The following PXT1 variants were observed in gnomAD, a reference collection of about 807,000 sequenced individuals.
The protein encoded by PXT1 is peroxisomal testis enriched protein 1, also known as peroxisomal testis-specific protein 1.
In PXT1, 11 loss-of-function variants were observed where a neutral mutation model predicts 11.0. That is an observed-to-expected ratio of 1.00 (90% CI 0.63 to 1.66). The LOEUF (loss-of-function observed/expected upper bound fraction) is 1.66. Ranked by LOEUF, PXT1 falls within the 40% of genes most tolerant of loss-of-function variation. PXT1 has a pLI of 0.00. For missense variants in PXT1, 141 were observed against 155.5 expected, an observed-to-expected ratio of 0.91 and a Z score of 0.49; for synonymous variants, 43 against 51.4, an observed-to-expected ratio of 0.84 and a Z score of 0.70.
At chr6:36,393,837 A>G (rs1444650634) in intron 4 of PXT1, among the ~76,000 whole-genome samples, 1 of 152,184 alleles carries the variant, frequency 6.6e-6, no homozygotes, top group Non-Finnish European at 1.5e-5. Flanking sequence ...TCTCCAAAGC[A>G]TGTATCTCTA....
chr6:36,417,155 G>C (rs1464035390), intron 3 of PXT1, among the ~76,000 whole-genome samples: 1 of 152,110 alleles, frequency 6.6e-6, no homozygotes, highest in African/African-American at 2.4e-5. Context: ...AGATCAGCCT[G>C]GCCAACAATG....
At chr6:36,426,355 C>CTTTTTTTTTT (rs751410377) in intron 2 of PXT1, among the ~76,000 whole-genome samples, 3 of 76,820 alleles carry the variant, frequency 3.9e-5, no homozygotes, top group African/African-American at 5.1e-5. Flanking sequence ...CTCTCTCTCG[C>CTTTTTTTTTT]TTTTTTTTTT....
chr6:36,392,679 T>G (rs971974651), intron 4 of PXT1, among the ~76,000 whole-genome samples: 7 of 152,024 alleles, frequency 4.6e-5, no homozygotes, highest in Admixed American at 4.6e-4. Context: ...TAATAATAAT[T>G]AATAATGTCT....
At chr6:36,405,787 A>G (rs1198466356) in intron 3 of PXT1, among the ~76,000 whole-genome samples, 1 of 152,158 alleles carries the variant, frequency 6.6e-6, no homozygotes, top group African/African-American at 2.4e-5. Context: ...TTTTTATACC[A>G]TATTTTTACT....
intron 2 of PXT1, among the ~76,000 whole-genome samples, chr6:36,436,113 C>CAAAAAAAAAAAAAAAAAAAAAAAAAGA (rs11294829): frequency 1.7e-5 from 1 of 60,094 alleles, no homozygotes; most frequent in East Asian, 4.1e-4. Context: ...AAAAGTAAGC[C>CAAAAAAAAAAAAAAAAAAAAAAAAAGA]AAAAAAAAAA....
chr6:36,411,653 CAA>C (rs1297073164), intron 3 of PXT1, among the ~76,000 whole-genome samples: 3 of 151,980 alleles, frequency 2.0e-5, no homozygotes, highest in Non-Finnish European at 4.4e-5. Context: ...ACTAAAATAA[CAA>C]AGAATTACCT....
intron 3 of PXT1, among the ~76,000 whole-genome samples, chr6:36,423,683 T>G (rs1248582388): frequency 2.0e-5 from 3 of 152,182 alleles, no homozygotes; most frequent in African/African-American, 7.2e-5. Context: ...ATCCCTCATT[T>G]CTTCAGTGGT....
At chr6:36,423,912 T>C (rs1428397855) in intron 3 of PXT1, among the ~76,000 whole-genome samples, 2 of 152,208 alleles carry the variant, frequency 1.3e-5, no homozygotes, top group African/African-American at 4.8e-5. Context: ...ACGGGAGTTC[T>C]AGGCATGAAA....
At chr6:36,440,139 CGA>C (rs1409796438) in intron 1 of PXT1, among the ~76,000 whole-genome samples, 1 of 151,488 alleles carries the variant, frequency 6.6e-6, no homozygotes, top group African/African-American at 2.4e-5. Flanking sequence ...TTTAATTATT[CGA>C]GAGAGACAGT....
At chr6:36,406,519 C>G (rs774838747) in intron 3 of PXT1, among the ~76,000 whole-genome samples, 4 of 151,908 alleles carry the variant, frequency 2.6e-5, no homozygotes, top group African/African-American at 9.7e-5. Flanking sequence ...AGAAAGAAAC[C>G]AAGACTCAAG....
intron 2 of PXT1, among the ~76,000 whole-genome samples, chr6:36,435,172 G>C (rs1026157976): frequency 2.6e-5 from 4 of 152,190 alleles, no homozygotes; most frequent in African/African-American, 9.7e-5. Context: ...AGGTGTGATG[G>C]CTCATGTCTT....
intron 3 of PXT1, among the ~76,000 whole-genome samples, chr6:36,403,244 A>G (rs1011041953): frequency 6.6e-6 from 1 of 152,264 alleles, no homozygotes; most frequent in African/African-American, 2.4e-5. Context: ...TAACTTGCCT[A>G]GGGTTTGAAA....
intron 1 of PXT1, among the ~76,000 whole-genome samples, chr6:36,441,140 T>C (rs1320538191): frequency 1.3e-5 from 2 of 150,490 alleles, no homozygotes; most frequent in African/African-American, 4.9e-5. Context: ...AAAGACAATA[T>C]ACAAATCTAC....
At chr6:36,420,593 A>G (rs1199421497) in intron 3 of PXT1, among the ~76,000 whole-genome samples, 1 of 152,208 alleles carries the variant, frequency 6.6e-6, no homozygotes, top group Non-Finnish European at 1.5e-5. Context: ...GGGGGACAAG[A>G]ATGAAAGAGA....
chr6:36,419,709 T>C (rs1030701745), intron 3 of PXT1, among the ~76,000 whole-genome samples: 1 of 152,256 alleles, frequency 6.6e-6, no homozygotes, highest in Admixed American at 6.5e-5. Context: ...CTGGCTACTC[T>C]GTAGCTTTAT....
intron 2 of PXT1, among the ~76,000 whole-genome samples, chr6:36,428,983 G>C (rs1309213827): frequency 6.6e-6 from 1 of 151,828 alleles, no homozygotes; most frequent in Non-Finnish European, 1.5e-5. Context: ...TATATGTCAG[G>C]ACCAGAAGTG....
At chr6:36,398,685 C>A (rs924852844) in intron 4 of PXT1, among the ~76,000 whole-genome samples, 1 of 152,166 alleles carries the variant, frequency 6.6e-6, no homozygotes, top group Non-Finnish European at 1.5e-5. Flanking sequence ...CACAGAGACA[C>A]AAAGTAGATT....
chr6:36,417,591 CAAAA>C (rs70975157), intron 3 of PXT1, among the ~76,000 whole-genome samples: 10 of 99,556 alleles, frequency 1.0e-4, no homozygotes, highest in South Asian at 3.6e-4. Context: ...TTCGTCTCTA[CAAAA>C]AAAAAAAAAA....
rs114190435 is a variant in PXT1, at chr6:36,403,192, T to C, written c.170-2608A>G. ...CTTTAAGCTCCACGGGTGGTTCCCA[T>C]GTGCAGGCAAGTTTGAGGATTGATG... is the stretch of plus-strand genomic sequence containing the variant. On this transcript the variant is annotated intron_variant, in intron 3 of 4. Transcript: ENST00000454782. Among the ~76,000 whole-genome samples the C allele has an allele frequency of 3.5e-3, 528 of 152,280 alleles. 3 individuals carry two copies. The highest frequency in any genetic ancestry group is 0.012 in the African/African-American group (489 of 41,548).
Sources: gnomAD v4.1 joint callset for allele counts (sites outside exome capture counted in the v4.1 genomes callset) on GRCh38, gnomAD v4.1.1 for gene constraint, MANE v1.5 for transcripts, NCBI Gene and HGNC (gene_info 2026-07-23, HGNC 2026-07-21) for gene names.